Variants in TTC8 observed in about 807,000 individuals in gnomAD.
TTC8 encodes tetratricopeptide repeat domain 8, also known as tetratricopeptide repeat protein 8.
TTC8 carries 47 observed loss-of-function variants against 72.5 expected under a neutral mutation model. The ratio of observed to expected loss-of-function variants is 0.65; its 90% CI spans 0.51 to 0.83. The LOEUF (loss-of-function observed/expected upper bound fraction) is 0.83. Ranked by LOEUF, TTC8 falls within the 40% of genes least tolerant of loss-of-function variation. The probability of loss-of-function intolerance (pLI) is 0.00; values close to 1 mark genes in which losing one functional copy is unlikely to be tolerated. For missense variants in TTC8, 611 were observed against 623.2 expected (o/e 0.98, Z 0.21); for synonymous variants, 199 against 221.4 (o/e 0.90, Z 0.90).
intron 11 of TTC8, among the ~76,000 whole-genome samples, chr14:88,870,447 G>A (rs576651058): frequency 1.3e-5 from 2 of 152,284 alleles, no homozygotes; most frequent in Admixed American, 1.3e-4. Context: ...CATTGTATGT[G>A]TTAGCCATTT....
rs182898340 is a variant in TTC8 at position 88,839,580 on chromosome 14, T to G, written c.265+8T>G. 1.2e-5 allele frequency: 19 copies of G among 1,612,866 alleles called. No homozygotes were observed. In the East Asian group the frequency reaches 4.2e-4, roughly 36 times the overall value. ...CTATAGCTCAAGTTCCACGTAAGTA[T>G]TGGGTTTTCAGTTAAGTTAATGAAA... On this transcript the variant is annotated splice_region_variant and intron_variant, in intron 3 of 14. Coordinates refer to ENST00000380656, the MANE Select transcript of TTC8 (RefSeq NM_144596.4).
At chr14:88,825,972 A>T (rs1047265138) in intron 1 of TTC8, among the ~76,000 whole-genome samples, 6 of 151,500 alleles carry the variant, frequency 4.0e-5, no homozygotes, top group East Asian at 3.9e-4. Context: ...GTTTTTTTAA[A>T]TTTTTTTTAT....
intron 2 of TTC8, chr14:88,834,095 G>T: frequency 3.5e-6 from 1 of 286,674 alleles, no homozygotes; most frequent in East Asian, 8.6e-5. Flanking sequence ...GGATGGGATG[G>T]CATGTCTTGA....
intron 10 of TTC8, among the ~76,000 whole-genome samples, chr14:88,863,874 GT>G (rs1273276724): frequency 1.3e-5 from 2 of 152,064 alleles, no homozygotes; most frequent in African/African-American, 4.8e-5. Flanking sequence ...TTGTTCATAG[GT>G]CCTCTTGGAT....
chr14:88,870,804 G>C (rs922813378), intron 11 of TTC8, among the ~76,000 whole-genome samples: 2 of 152,140 alleles, frequency 1.3e-5, no homozygotes, highest in African/African-American at 4.8e-5. Context: ...AGCTGACAAG[G>C]GTTCTTTCCA....
intron 2 of TTC8, among the ~76,000 whole-genome samples, chr14:88,835,727 T>G (rs2094747591): frequency 6.6e-6 from 1 of 152,192 alleles, no homozygotes. Flanking sequence ...TGTGTGTGCT[T>G]TGTTATTCAT....
intron 1 of TTC8, among the ~76,000 whole-genome samples, chr14:88,831,716 A>G (rs1311184798): frequency 6.6e-6 from 1 of 152,204 alleles, no homozygotes; most frequent in Non-Finnish European, 1.5e-5. Flanking sequence ...GGATTCTATC[A>G]TCTATATTTT....
Position 88,841,118 on chromosome 14 carries a change from G to A in TTC8, c.411G>A (p.Gln137=), listed in dbSNP as rs529665425. The part of the protein sequence containing the change: ...TQSGRPGTME[Q]AIRTPRTAYT... ...GTGGAAGGCCAGGCACTATGGAACA[G>A]GCTATCAGAACACCCAGAACCGCCT... The change falls in exon 5 of 15, where the codon CAG becomes CAA. Residue 137 remains glutamine (Q), a synonymous_variant. Coordinates refer to ENST00000380656, the MANE Select transcript of TTC8 (RefSeq NM_144596.4). The A allele has an allele frequency of 5.6e-6, 9 of 1,614,114 alleles. No individual in the cohort carries two copies. In the South Asian group the frequency reaches 9.9e-5, roughly 18 times the overall value.
At chr14:88,844,655 C>G (rs1358969926) in intron 7 of TTC8, among the ~76,000 whole-genome samples, 1 of 151,956 alleles carries the variant, frequency 6.6e-6, no homozygotes, top group Admixed American at 6.6e-5. Context: ...GGCGATCCTC[C>G]CATCTCAGCC....
At chr14:88,839,416 A>G in intron 2 of TTC8, 36 bp from the exon 3 acceptor site, 3 of 1,607,224 alleles carry the variant, frequency 1.9e-6, no homozygotes, top group Non-Finnish European at 2.6e-6. Flanking sequence ...TTCTAATGCT[A>G]TTTTAATATA....
intron 10 of TTC8, among the ~76,000 whole-genome samples, chr14:88,866,151 T>C (rs2141025481): frequency 6.6e-6 from 1 of 152,228 alleles, no homozygotes; most frequent in Non-Finnish European, 1.5e-5. Context: ...TTTCTAATCA[T>C]GACACAAAGT....
At position 88,871,742 on chromosome 14, in the gene TTC8, A is replaced by G. The variant is rs1329774650; in HGVS notation, c.1224+19A>G. 7.4e-6 allele frequency: 12 copies of G among 1,613,932 alleles called. 1 individual carries two copies. The South Asian group carries it at 1.2e-4, about 16-fold the overall frequency. ...AGCTGTGGTATGTTGTCTTACTGAT[A>G]TAATTTCTGTTATAGAAAGTTGGTT... is the stretch of plus-strand genomic sequence containing the variant. On this transcript the variant is annotated intron_variant, in intron 12 of 14. Coordinates refer to ENST00000380656, the MANE Select transcript of TTC8 (RefSeq NM_144596.4). This position sits in a 1 kb window ranked among gnomAD's most constrained non-coding sequence, Gnocchi z 4.1.
At chr14:88,848,635 A>G (rs2094819792) in intron 7 of TTC8, among the ~76,000 whole-genome samples, 2 of 152,316 alleles carry the variant, frequency 1.3e-5, no homozygotes, top group South Asian at 4.1e-4. Flanking sequence ...ATTAAAAACC[A>G]TAATTATAAA....
In TTC8 at chr14:88,877,622, G is replaced by A; in HGVS notation, c.*212G>A. Reference sequence around the variant, plus strand: ...TATAAAATAATATTATAAAATACAGGATTTAAACCTTTCTAAATAGATCCT... The same window carrying A: ...TATAAAATAATATTATAAAATACAGAATTTAAACCTTTCTAAATAGATCCT... On this transcript the variant is annotated 3_prime_UTR_variant, in exon 15 of 15. Coordinates refer to ENST00000380656, the MANE Select transcript of TTC8 (RefSeq NM_144596.4). 9.3e-6 allele frequency: 4 copies of A among 428,588 alleles called. No individual in the cohort carries two copies. Among genetic ancestry groups the A allele is most frequent in the Non-Finnish European group, 1.7e-5 (4 of 239,604 alleles). 26.5% of individuals were successfully genotyped at this position (428,588 alleles called of 1,614,324 possible).
intron 9 of TTC8, among the ~76,000 whole-genome samples, chr14:88,859,322 A>G (rs2094872530): frequency 6.6e-6 from 1 of 152,182 alleles, no homozygotes; most frequent in Non-Finnish European, 1.5e-5. Flanking sequence ...TACACTATGG[A>G]ATACTATACA....
intron 1 of TTC8, among the ~76,000 whole-genome samples, chr14:88,826,206 TCTCGAA>T (rs2094699610): frequency 6.6e-6 from 1 of 151,448 alleles, no homozygotes; most frequent in Non-Finnish European, 1.5e-5. Context: ...GCCAGGGTGG[TCTCGAA>T]CTCCTGACCT....
intron 1 of TTC8, among the ~76,000 whole-genome samples, chr14:88,829,196 A>G (rs1334904232): frequency 1.3e-5 from 2 of 152,218 alleles, no homozygotes; most frequent in African/African-American, 4.8e-5. Flanking sequence ...TAACTGATTA[A>G]TTTATTATAA....
At chr14:88,864,268 T>G (rs918715000) in intron 10 of TTC8, among the ~76,000 whole-genome samples, 1 of 152,242 alleles carries the variant, frequency 6.6e-6, no homozygotes, top group Non-Finnish European at 1.5e-5. Context: ...AATAGAAGCC[T>G]TTGATCAATC....
chr14:88,833,788 C>A, intron 2 of TTC8, 66 bp downstream of exon 2: 1 of 1,489,322 alleles, frequency 6.7e-7, no homozygotes, highest in Non-Finnish European at 9.4e-7. Context: ...TTAGTTGTTG[C>A]TATAGATTAG....
Sources: allele counts gnomAD v4.1 joint callset (sites outside exome capture counted in the v4.1 genomes callset), GRCh38; gene constraint gnomAD v4.1.1; non-coding constraint Gnocchi (gnomAD v3.1); transcripts MANE v1.5; gene names NCBI Gene and HGNC (gene_info 2026-07-23, HGNC 2026-07-21).